Variants in THAP5 observed in about 807,000 individuals in gnomAD.
The protein encoded by THAP5 is THAP domain-containing protein 5.
A neutral mutation model predicts 34.0 loss-of-function variants in THAP5; 26 were observed. The observed-to-expected ratio is 0.77, with a 90% CI of 0.56 to 1.06. THAP5 has a LOEUF of 1.06. Among genes scored for constraint, THAP5 ranks in the 50% least tolerant of loss-of-function variants. The pLI, the probability that THAP5 is intolerant of heterozygous loss-of-function variation, is 0.00. For missense variants in THAP5, 394 were observed against 452.8 expected, an observed-to-expected ratio of 0.87 and a Z score of 1.18; for synonymous variants, 125 against 153.0, an observed-to-expected ratio of 0.82 and a Z score of 1.35.
intron 1 of THAP5, among the ~76,000 whole-genome samples, chr7:108,567,070 AT>A (rs1193034753): frequency 2.6e-5 from 4 of 151,948 alleles, no homozygotes; most frequent in Non-Finnish European, 5.9e-5. Flanking sequence ...TAGTAGCATC[AT>A]TTTTTCCCCC....
At position 108,563,959 on chromosome 7, in the gene THAP5, TAA is replaced by T; in HGVS notation, c.*230_*231del. 3 of 373,120 alleles carry T rather than the reference TAA, an allele frequency of 8.0e-6. No individual in the cohort carries two copies. Among genetic ancestry groups the T allele is most frequent in the Non-Finnish European group, 9.6e-6 (2 of 208,966 alleles). The allele number at this position is 373,120 out of a possible 1,614,324, so 23.1% of individuals were successfully genotyped here. A position where few individuals can be genotyped will look rare whatever the true frequency, so the allele number is the denominator to read the frequency against. The stretch of plus-strand genomic sequence containing the variant: ...GTTATAACTGAATCCTTCTATGTGC[TAA>T]ATTTTAATTTGGAAAATTATCAAGT... On this transcript the variant is annotated 3_prime_UTR_variant, in exon 3 of 3. Coordinates refer to ENST00000415914, the MANE Select transcript of THAP5 (RefSeq NM_001130475.3).
chr7:108,558,552 C>G (rs2154517931), downstream of THAP5, among the ~76,000 whole-genome samples: 1 of 151,136 alleles, frequency 6.6e-6, no homozygotes, highest in East Asian at 1.9e-4. Context: ...CACGCGCCAC[C>G]ACACCTGGCT....
At chr7:108,567,617 T>A (rs1263674682) in intron 1 of THAP5, among the ~76,000 whole-genome samples, 1 of 152,140 alleles carries the variant, frequency 6.6e-6, no homozygotes, top group African/African-American at 2.4e-5. Flanking sequence ...TTTTGTTTCA[T>A]TGTCTTATGT....
At chr7:108,554,666 TC>T (rs1469201001) in exon 2 of THAP5, 1 of 152,224 alleles carries the variant, frequency 6.6e-6, no homozygotes, top group African/African-American at 2.4e-5. Flanking sequence ...TCAAGTAGCC[TC>T]ATTTACCTGC....
chr7:108,569,275 T>C (rs1790557316), intron 1 of THAP5: 2 of 1,431,204 alleles, frequency 1.4e-6, no homozygotes, highest in South Asian at 1.5e-5. Context: ...CCAAACAGGC[T>C]CCTGGGCCTC....
At chr7:108,542,342 T>C in the THAP5 span, among the ~76,000 whole-genome samples, 2 of 152,230 alleles carry the variant, frequency 1.3e-5, no homozygotes, top group Non-Finnish European at 2.9e-5. Flanking sequence ...AGGTTATCTT[T>C]TTCTGCATAA....
intron 1 of THAP5, chr7:108,568,466 A>G (rs1223931870): frequency 1.3e-5 from 2 of 154,424 alleles, no homozygotes; most frequent in Admixed American, 1.3e-4. Flanking sequence ...CAGCCTCCCA[A>G]AGTGCTGGGA....
the THAP5 span, among the ~76,000 whole-genome samples, chr7:108,547,216 A>G: frequency 6.6e-6 from 1 of 152,148 alleles, no homozygotes; most frequent in Non-Finnish European, 1.5e-5. Flanking sequence ...TTAATACCAC[A>G]CTGATGAACG....
At chr7:108,551,894 G>A (rs760900273), downstream of THAP5, among the ~76,000 whole-genome samples, 7 of 152,160 alleles carry the variant, frequency 4.6e-5, no homozygotes, top group Non-Finnish European at 8.8e-5. Flanking sequence ...GAGTGGCTTA[G>A]CTGGACCCAG....
Position 108,562,400 on chromosome 7 carries a change from T to C in THAP5, c.*1791A>G, listed in dbSNP as rs527403212. The C allele has an allele frequency of 2.6e-5, 4 of 152,322 alleles. No homozygotes were observed. In the East Asian group the frequency reaches 7.7e-4, roughly 29 times the overall value. 9.4% of individuals were successfully genotyped at this position (152,322 alleles called of 1,614,324 possible). ...TTTTCCCCCATCGTCACCTAAGACA[T>C]TTCTAATCTTTTATAATTAGTTGAC... On this transcript the variant is annotated 3_prime_UTR_variant, in exon 3 of 3. Coordinates refer to ENST00000415914, the MANE Select transcript of THAP5 (RefSeq NM_001130475.3).
At chr7:108,569,070 T>C in intron 1 of THAP5, 3 of 1,004,970 alleles carry the variant, frequency 3.0e-6, no homozygotes, top group Non-Finnish European at 3.6e-6. Context: ...AGGAGAAAAG[T>C]GGGATGAAAT....
downstream of THAP5, among the ~76,000 whole-genome samples, chr7:108,559,352 C>T (rs967028876): frequency 9.9e-5 from 15 of 152,112 alleles, no homozygotes; most frequent in Non-Finnish European, 1.8e-4. Flanking sequence ...TCTTATTAGA[C>T]GAAGGTGTAG....
chr7:108,543,675 G>C, the THAP5 span, among the ~76,000 whole-genome samples: 1 of 152,172 alleles, frequency 6.6e-6, no homozygotes, highest in Non-Finnish European at 1.5e-5. Flanking sequence ...ATATCTCCCA[G>C]TATTTTTTAT....
In THAP5 at chr7:108,562,374, T is replaced by G. The variant is rs997327620; in HGVS notation, c.*1817A>C. 1 of 152,164 alleles carries G rather than the reference T, an allele frequency of 6.6e-6. No homozygotes were observed. The highest frequency in any genetic ancestry group is 1.5e-5 in the Non-Finnish European group (1 of 68,028). 9.4% of individuals were successfully genotyped at this position (152,164 alleles called of 1,614,324 possible). A position where few individuals can be genotyped will look rare whatever the true frequency, so the allele number is the denominator to read the frequency against. On this transcript the variant is annotated 3_prime_UTR_variant, in exon 3 of 3. Coordinates refer to ENST00000415914, the MANE Select transcript of THAP5 (RefSeq NM_001130475.3). ...CCATAATTTATGCAAAAATTTTAAG[T>G]TTTTCCCCCATCGTCACCTAAGACA...
chr7:108,553,723 C>A (rs374825818), downstream of THAP5, among the ~76,000 whole-genome samples: 22 of 152,230 alleles, frequency 1.4e-4, no homozygotes, highest in East Asian at 2.7e-3. Flanking sequence ...GGCAGAGAAC[C>A]TTGCTGAGGA....
chr7:108,569,456 C>T, intron 1 of THAP5, 34 bp downstream of exon 1: 1 of 1,551,390 alleles, frequency 6.4e-7, no homozygotes. Flanking sequence ...GGCCTCACGG[C>T]GAGGCTGACG....
the THAP5 span, among the ~76,000 whole-genome samples, chr7:108,542,916 A>T: frequency 1.8e-3 from 265 of 150,470 alleles, no homozygotes; most frequent in African/African-American, 6.0e-3. Flanking sequence ...TTTTTTTTTT[A>T]AATTTAATTT....
intron 1 of THAP5, among the ~76,000 whole-genome samples, chr7:108,556,623 G>A (rs561599746): frequency 3.3e-5 from 5 of 152,288 alleles, no homozygotes; most frequent in Admixed American, 2.0e-4. Context: ...CCAAGGCCTC[G>A]GGCAGCTCTT....
rs1790477069 is a variant in THAP5 at position 108,565,905 on chromosome 7, AAG to A, written c.196_197del (p.Leu66Ter). On this transcript the variant is annotated frameshift_variant, in exon 2 of 3. Transcript: ENST00000415914. LOFTEE classifies it high-confidence loss of function. ...AATATCGAATACCCCATCTGATGTC[AAG>A]AGAGTCAGGAGTAAAATGGTCACTA... ...LCSDHFTPDS[L>X]DIRWGIRYLK... The A allele has an allele frequency of 6.5e-7, 1 of 1,550,348 alleles. No homozygotes were observed. Among genetic ancestry groups the A allele is most frequent in the Non-Finnish European group, 8.7e-7 (1 of 1,146,844 alleles).
Sources: gnomAD v4.1 joint callset for allele counts (sites outside exome capture counted in the v4.1 genomes callset) on GRCh38, gnomAD v4.1.1 for gene constraint, MANE v1.5 for transcripts, NCBI Gene and HGNC (gene_info 2026-07-23, HGNC 2026-07-21) for gene names.